The following FAM107B variants were observed in gnomAD, a reference collection of about 807,000 sequenced individuals.
FAM107B encodes family with sequence similarity 107 member B, also known as protein FAM107B.
A neutral mutation model predicts 31.5 loss-of-function variants in FAM107B; 21 were observed. That is an observed-to-expected ratio of 0.67 (90% CI 0.47 to 0.96). The LOEUF (loss-of-function observed/expected upper bound fraction) is 0.96, where lower values mean the gene tolerates loss of function less well. FAM107B is among the 40% of genes least tolerant of loss of function. FAM107B has a pLI of 0.00. For synonymous variants in FAM107B, 157 were observed against 141.5 expected (o/e 1.11, Z -0.78); for missense variants, 452 against 377.1 (o/e 1.20, Z -1.64).
At chr10:14,743,510 A>C (rs545565604) in intron 1 of FAM107B, among the ~76,000 whole-genome samples, 42 of 152,294 alleles carry the variant, frequency 2.8e-4, no homozygotes, top group African/African-American at 9.9e-4. Flanking sequence ...TCTTTAATCT[A>C]TCTTGAGTTA....
At chr10:14,637,791 C>G (rs562541170) in intron 2 of FAM107B, among the ~76,000 whole-genome samples, 1 of 152,210 alleles carries the variant, frequency 6.6e-6, no homozygotes, top group South Asian at 2.1e-4. Flanking sequence ...GCCCATGTGG[C>G]ACTAAGGGTG....
chr10:14,676,401 G>T (rs1258663196), intron 1 of FAM107B, among the ~76,000 whole-genome samples: 2 of 152,100 alleles, frequency 1.3e-5, no homozygotes, highest in African/African-American at 4.8e-5. Context: ...TATTCTTCCA[G>T]AGCAAAAACT....
chr10:14,653,460 A>G (rs773351941), intron 2 of FAM107B, among the ~76,000 whole-genome samples: 2 of 152,186 alleles, frequency 1.3e-5, no homozygotes, highest in Non-Finnish European at 2.9e-5. Context: ...TCTTCACTCC[A>G]GCCTCTCAGG....
intron 1 of FAM107B, among the ~76,000 whole-genome samples, chr10:14,769,860 T>A (rs569642372): frequency 1.3e-5 from 2 of 152,338 alleles, no homozygotes; most frequent in East Asian, 3.9e-4. Flanking sequence ...AGTTGCTTAG[T>A]GTGTGAACTC....
At chr10:14,522,060 ATGGCTACAT>A (rs1182945892) in intron 3 of FAM107B, 41 bp from the exon 4 acceptor site, 3 of 1,577,454 alleles carry the variant, frequency 1.9e-6, no homozygotes, top group Non-Finnish European at 1.7e-6. Flanking sequence ...CGTTAATCTA[ATGGCTACAT>A]TTTTTATGAA....
At chr10:14,754,653 G>A (rs188995029) in intron 1 of FAM107B, among the ~76,000 whole-genome samples, 55 of 152,240 alleles carry the variant, frequency 3.6e-4, no homozygotes, top group Non-Finnish European at 2.5e-4. Flanking sequence ...GCTGGTCTTC[G>A]GTGCCATCTT....
At chr10:14,743,385 C>T (rs1052105126) in intron 1 of FAM107B, among the ~76,000 whole-genome samples, 9 of 152,072 alleles carry the variant, frequency 5.9e-5, no homozygotes, top group East Asian at 3.9e-4. Context: ...TTTTCACCTT[C>T]GTTGCAATGG....
chr10:14,688,071 A>G (rs934149647), intron 1 of FAM107B, among the ~76,000 whole-genome samples: 12 of 152,252 alleles, frequency 7.9e-5, no homozygotes, highest in Non-Finnish European at 1.2e-4. Flanking sequence ...CAGCACAGCT[A>G]GAAGAAAGCA....
At chr10:14,725,162 C>T (rs1256782379) in intron 1 of FAM107B, among the ~76,000 whole-genome samples, 2 of 152,142 alleles carry the variant, frequency 1.3e-5, no homozygotes, top group African/African-American at 2.4e-5. Context: ...GACTCTCAGA[C>T]GGTCAGCATC....
At chr10:14,555,894 A>AACAC (rs56270507) in intron 2 of FAM107B, 45,673 of 147,918 alleles carry the variant, frequency 0.31, 7,053 homozygotes, top group South Asian at 0.42. Context: ...AGACATCTTT[A>AACAC]ACACACACAC....
intron 2 of FAM107B, among the ~76,000 whole-genome samples, chr10:14,641,700 G>A (rs1853632274): frequency 2.0e-5 from 3 of 152,072 alleles, no homozygotes. Flanking sequence ...AACCTAATTG[G>A]GAATCTTTTA....
At chr10:14,647,113 A>G (rs1452286694) in intron 2 of FAM107B, among the ~76,000 whole-genome samples, 3 of 152,220 alleles carry the variant, frequency 2.0e-5, no homozygotes, top group East Asian at 1.9e-4. Flanking sequence ...CCTCTTTTAA[A>G]TGGAGAACTT....
intron 2 of FAM107B, among the ~76,000 whole-genome samples, chr10:14,564,926 A>T (rs1324247206): frequency 6.6e-6 from 1 of 152,192 alleles, no homozygotes; most frequent in Non-Finnish European, 1.5e-5. Context: ...TCACACTTGA[A>T]AAATTGGGCT....
At chr10:14,691,333 C>T (rs3101177) in intron 1 of FAM107B, among the ~76,000 whole-genome samples, 63,922 of 151,860 alleles carry the variant, frequency 0.42, 13,750 homozygotes, top group African/African-American at 0.5. Context: ...TCCATGTCTC[C>T]AAAAGAAAAG....
At chr10:14,658,978 T>C (rs1436778068) in intron 2 of FAM107B, among the ~76,000 whole-genome samples, 2 of 152,140 alleles carry the variant, frequency 1.3e-5, no homozygotes, top group African/African-American at 4.8e-5. Context: ...AAGGTTGCAG[T>C]TTTGCAGAAA....
chr10:14,657,643 C>A (rs1007620572), intron 2 of FAM107B, among the ~76,000 whole-genome samples: 2 of 152,090 alleles, frequency 1.3e-5, no homozygotes, highest in African/African-American at 2.4e-5. Flanking sequence ...CTTAATAATG[C>A]AAGATTTATA....
At chr10:14,550,391 C>A (rs1279476726) in intron 2 of FAM107B, among the ~76,000 whole-genome samples, 1 of 152,146 alleles carries the variant, frequency 6.6e-6, no homozygotes, top group Non-Finnish European at 1.5e-5. Context: ...ACTTTTGCCC[C>A]AAGAACCAAT....
chr10:14,550,584 CT>C (rs1230008784), intron 2 of FAM107B, among the ~76,000 whole-genome samples: 3 of 152,196 alleles, frequency 2.0e-5, no homozygotes, highest in Non-Finnish European at 4.4e-5. Context: ...CGTGGCACCC[CT>C]TAAGTAAATG....
intron 2 of FAM107B, among the ~76,000 whole-genome samples, chr10:14,569,899 C>G (rs539970452): frequency 3.3e-5 from 5 of 152,354 alleles, no homozygotes; most frequent in African/African-American, 1.2e-4. Context: ...AACAGCCAAC[C>G]AGGCAGGCTG....
Sources: allele counts gnomAD v4.1 joint callset (sites outside exome capture counted in the v4.1 genomes callset), GRCh38; gene constraint gnomAD v4.1.1; transcripts MANE v1.5; gene names NCBI Gene and HGNC (gene_info 2026-07-23, HGNC 2026-07-21).